The following ATXN7 variants were observed in gnomAD, a reference collection of about 807,000 sequenced individuals.
ATXN7 encodes ataxin 7.
ATXN7 carries 12 observed loss-of-function variants against 70.5 expected under a neutral mutation model. That is an observed-to-expected ratio of 0.17 (90% confidence interval 0.11 to 0.28). The LOEUF (loss-of-function observed/expected upper bound fraction) is 0.28. Among genes scored for constraint, ATXN7 ranks in the 10% least tolerant of loss-of-function variants. The pLI, the probability that ATXN7 is intolerant of heterozygous loss-of-function variation, is 1.00. For missense variants in ATXN7, 1,256 were observed against 1,131.7 expected, an observed-to-expected ratio of 1.11 and a Z score of -1.58; for synonymous variants, 498 against 448.7, an observed-to-expected ratio of 1.11 and a Z score of -1.39.
intron 1 of ATXN7, among the ~76,000 whole-genome samples, chr3:63,868,407 C>A (rs1248835033): frequency 6.6e-6 from 1 of 152,178 alleles, no homozygotes; most frequent in Non-Finnish European, 1.5e-5. Flanking sequence ...CTTAGCTCCT[C>A]TTTGGCCCGC....
At chr3:63,969,944 G>C (rs1356017205) in intron 5 of ATXN7, among the ~76,000 whole-genome samples, 2 of 152,164 alleles carry the variant, frequency 1.3e-5, no homozygotes, top group Non-Finnish European at 2.9e-5. Flanking sequence ...GAGGGAGAAA[G>C]GGGAGTGAAA....
chr3:63,871,874 AC>A lies in ATXN7; in HGVS notation c.-111+7717del, dbSNP rs199526305. Among the ~76,000 whole-genome samples, 305 of 152,160 alleles carry A rather than the reference AC, an allele frequency of 2.0e-3. 2 individuals are homozygous for A. Among genetic ancestry groups the A allele is most frequent in the African/African-American group, 5.7e-3 (236 of 41,512 alleles). On this transcript the variant is annotated intron_variant, in intron 1 of 12. Coordinates refer to ENST00000674280, the MANE Select transcript of ATXN7 (RefSeq NM_001377405.1). ...GTTTGTTTTTAAATTTAAAAAAAAAACAGATTATAATTTAATGCTTTAATTA... is the reference window on the plus strand; with the variant it reads ...GTTTGTTTTTAAATTTAAAAAAAAAAAGATTATAATTTAATGCTTTAATTA...
chr3:63,875,776 T>C (rs1299892107), intron 1 of ATXN7, among the ~76,000 whole-genome samples: 2 of 152,244 alleles, frequency 1.3e-5, no homozygotes, highest in Non-Finnish European at 2.9e-5. Flanking sequence ...TTGACACTTT[T>C]GTTTAATTAA....
Position 64,002,667 on chromosome 3 carries a change from T to C in ATXN7, c.*3200T>C, listed in dbSNP as rs1230769878. 1 of 152,194 alleles carries C rather than the reference T, an allele frequency of 6.6e-6. No individual in the cohort carries two copies. The highest frequency in any genetic ancestry group is 1.5e-5 in the Non-Finnish European group (1 of 68,040). The allele number at this position is 152,194 out of a possible 1,614,324, so 9.4% of individuals were successfully genotyped here. A position where few individuals can be genotyped will look rare whatever the true frequency, so the allele number is the denominator to read the frequency against. On this transcript the variant is annotated 3_prime_UTR_variant, in exon 13 of 13. Transcript: ENST00000674280. ...TCAGTTGAACTTTTGGAGTTTGCTT[T>C]TTCCACCTAAATATTGTTTCTAAAA...
chr3:63,892,374 C>CCACACACACACA (rs56293497), intron 1 of ATXN7, among the ~76,000 whole-genome samples: 7 of 133,384 alleles, frequency 5.2e-5, no homozygotes, highest in Admixed American at 3.1e-4. Flanking sequence ...GACACCTCTA[C>CCACACACACACA]CACACACACA....
intron 4 of ATXN7, among the ~76,000 whole-genome samples, chr3:63,931,791 C>A (rs779285638): frequency 5.3e-5 from 8 of 152,076 alleles, no homozygotes; most frequent in African/African-American, 9.7e-5. Context: ...TTAGTGTCTC[C>A]CTTGTCATTT....
Position 64,002,927 on chromosome 3 carries a change from G to T in ATXN7, c.*3460G>T, listed in dbSNP as rs1332276516. 1 of 151,948 alleles carries T rather than the reference G, an allele frequency of 6.6e-6. No homozygotes were observed. The highest frequency in any genetic ancestry group is 6.6e-5 in the Admixed American group (1 of 15,254). The allele number at this position is 151,948 out of a possible 1,614,324, so 9.4% of individuals were successfully genotyped here. A position where few individuals can be genotyped will look rare whatever the true frequency, so the allele number is the denominator to read the frequency against. ...TATTCCAAAAATATAATACAAAGAA[G>T]TACCTCTGAGAACATTGAAAAAAAT... is the stretch of plus-strand genomic sequence containing the variant. On this transcript the variant is annotated 3_prime_UTR_variant, in exon 13 of 13. Transcript: ENST00000674280.
rs1460517549 is a variant in ATXN7 at position 64,001,166 on chromosome 3, T to C, written c.*1699T>C. 2 of 152,184 alleles carry C rather than the reference T, an allele frequency of 1.3e-5. No homozygotes were observed. The highest frequency in any genetic ancestry group is 2.4e-5 in the African/African-American group (1 of 41,440). 9.4% of individuals were successfully genotyped at this position (152,184 alleles called of 1,614,324 possible). On this transcript the variant is annotated 3_prime_UTR_variant, in exon 13 of 13. Coordinates refer to ENST00000674280, the MANE Select transcript of ATXN7 (RefSeq NM_001377405.1). Reference sequence around the variant, plus strand: ...GTGAATTGCTACAGAATTATTCTTATTATGTAAGAAAACAAAAACTTTATG... The same window carrying C: ...GTGAATTGCTACAGAATTATTCTTACTATGTAAGAAAACAAAAACTTTATG...
intron 2 of ATXN7, among the ~76,000 whole-genome samples, chr3:63,907,766 C>T (rs567273724): frequency 6.6e-6 from 1 of 152,020 alleles, no homozygotes; most frequent in Non-Finnish European, 1.5e-5. Flanking sequence ...TTTTCTATAA[C>T]TTGAAACTTT....
At chr3:63,997,216 C>G (rs2075775245) in intron 12 of ATXN7, among the ~76,000 whole-genome samples, 1 of 152,132 alleles carries the variant, frequency 6.6e-6, no homozygotes, top group South Asian at 2.1e-4. Context: ...CAAGATCGCG[C>G]CACTGCACTC....
At chr3:63,935,030 A>G (rs902850036) in intron 4 of ATXN7, among the ~76,000 whole-genome samples, 3 of 152,154 alleles carry the variant, frequency 2.0e-5, no homozygotes, top group African/African-American at 7.2e-5. Flanking sequence ...CCACAACTTT[A>G]ATATATAGAA....
intron 1 of ATXN7, among the ~76,000 whole-genome samples, chr3:63,889,479 T>G (rs998510692): frequency 6.6e-6 from 1 of 152,206 alleles, no homozygotes; most frequent in Non-Finnish European, 1.5e-5. Flanking sequence ...ATGTTAAGCT[T>G]CTTTGAATGT....
At chr3:63,888,413 T>G (rs1703151968) in intron 1 of ATXN7, among the ~76,000 whole-genome samples, 2 of 152,158 alleles carry the variant, frequency 1.3e-5, no homozygotes, top group Admixed American at 6.5e-5. Context: ...ACATATATGG[T>G]TCTGTGTCAT....
At chr3:63,934,902 T>C (rs1176103727) in intron 4 of ATXN7, among the ~76,000 whole-genome samples, 1 of 152,222 alleles carries the variant, frequency 6.6e-6, no homozygotes, top group African/African-American at 2.4e-5. Flanking sequence ...CAGTAGTTAA[T>C]CTTGCTGTGT....
intron 4 of ATXN7, among the ~76,000 whole-genome samples, chr3:63,920,812 T>A (rs1327137746): frequency 6.6e-6 from 1 of 152,214 alleles, no homozygotes; most frequent in Non-Finnish European, 1.5e-5. Context: ...TAAAAAAAAT[T>A]CCTTTAGAAA....
intron 5 of ATXN7, among the ~76,000 whole-genome samples, chr3:63,973,168 C>G (rs951407420): frequency 1.3e-5 from 2 of 152,192 alleles, no homozygotes; most frequent in Non-Finnish European, 2.9e-5. Context: ...ACCCACATAT[C>G]CCTGACTCTA....
intron 6 of ATXN7, 80 bp from the exon 7 acceptor site, chr3:63,982,106 C>T (rs1437593687): frequency 4.4e-6 from 7 of 1,590,850 alleles, no homozygotes; most frequent in African/African-American, 4.0e-5. Context: ...CAGGCTCTAT[C>T]CTCATCCCTC....
intron 1 of ATXN7, chr3:63,878,433 T>G (rs1702807429): frequency 1.3e-5 from 2 of 152,204 alleles, no homozygotes; most frequent in Admixed American, 6.5e-5. Flanking sequence ...CTGACCAGTT[T>G]AAAAGGTGTC....
chr3:63,963,654 T>C (rs1481978729), intron 5 of ATXN7, among the ~76,000 whole-genome samples: 1 of 152,208 alleles, frequency 6.6e-6, no homozygotes, highest in Non-Finnish European at 1.5e-5. Context: ...CAATACCTCA[T>C]GTAAATCCAT....
Sources: gnomAD v4.1 joint callset for allele counts (sites outside exome capture counted in the v4.1 genomes callset) on GRCh38, gnomAD v4.1.1 for gene constraint, MANE v1.5 for transcripts, NCBI Gene and HGNC (gene_info 2026-07-23, HGNC 2026-07-21) for gene names.